The following SLC25A24 variants were observed in gnomAD, a reference collection of about 807,000 sequenced individuals.
SLC25A24 encodes the protein mitochondrial adenyl nucleotide antiporter SLC25A24.
A neutral mutation model predicts 60.7 loss-of-function variants in SLC25A24; 49 were observed. The observed-to-expected ratio is 0.81, with a 90% CI of 0.64 to 1.02. The LOEUF is 1.02. Among genes scored for constraint, SLC25A24 ranks in the 50% least tolerant of loss-of-function variants. The pLI is 0.00. For missense variants in SLC25A24, 564 were observed against 586.3 expected, an observed-to-expected ratio of 0.96 and a Z score of 0.39; for synonymous variants, 202 against 200.6, an observed-to-expected ratio of 1.01 and a Z score of -0.06.
intron 6 of SLC25A24, among the ~76,000 whole-genome samples, chr1:108,149,244 A>G (rs1267755397): frequency 1.3e-5 from 2 of 152,246 alleles, no homozygotes; most frequent in Non-Finnish European, 2.9e-5. Context: ...CTCCCTGGCT[A>G]TCAGTACTAA....
intron 3 of SLC25A24, among the ~76,000 whole-genome samples, chr1:108,167,636 C>T (rs531416058): frequency 0.017 from 2,598 of 152,358 alleles, 36 homozygotes; most frequent in Non-Finnish European, 0.026. Flanking sequence ...GGCAATGCCT[C>T]GCCCTGCTTC....
chr1:108,193,165 T>C (rs528240), intron 1 of SLC25A24, among the ~76,000 whole-genome samples: 40,455 of 138,714 alleles, frequency 0.29, 10,636 homozygotes, highest in Middle Eastern at 0.32. Flanking sequence ...TTAAAAATCC[T>C]TATAATGATT....
intron 4 of SLC25A24, among the ~76,000 whole-genome samples, chr1:108,159,466 T>TG (rs1047899039): frequency 3.3e-5 from 3 of 92,054 alleles, no homozygotes; most frequent in Admixed American, 1.1e-4. Flanking sequence ...CTTGGGTTGT[T>TG]TTTTTTTTTT....
chr1:108,147,927 T>C (rs1333791756), intron 7 of SLC25A24, among the ~76,000 whole-genome samples: 2 of 152,102 alleles, frequency 1.3e-5, no homozygotes, highest in Non-Finnish European at 2.9e-5. Context: ...GACCACTGAC[T>C]CTAGGGAAGC....
rs376319497 is a variant in SLC25A24, at chr1:108,161,371, T to C, written c.399-78A>G. 4.3e-4 allele frequency: 329 copies of C among 757,874 alleles called. 2 individuals carry two copies. Among genetic ancestry groups the C allele is most frequent in the South Asian group, 3.9e-3 (240 of 61,306 alleles). The allele number at this position is 757,874 out of a possible 1,614,324, so 46.9% of individuals were successfully genotyped here. On this transcript the variant is annotated intron_variant, in intron 3 of 9. Coordinates refer to ENST00000565488, the MANE Select transcript of SLC25A24 (RefSeq NM_013386.5). ...TAACATTATTGGCCACTTTACAGAA[T>C]GACAGTTTCTTTTCTAACATAATAT... is the stretch of plus-strand genomic sequence containing the variant.
chr1:108,172,307 C>T (rs1411808271), intron 3 of SLC25A24, among the ~76,000 whole-genome samples: 1 of 152,184 alleles, frequency 6.6e-6, no homozygotes, highest in Non-Finnish European at 1.5e-5. Flanking sequence ...TTTCAATCAA[C>T]ACTGTGTTAG....
At chr1:108,146,967 T>C (rs927243105) in intron 7 of SLC25A24, among the ~76,000 whole-genome samples, 1 of 152,246 alleles carries the variant, frequency 6.6e-6, no homozygotes, top group Admixed American at 6.5e-5. Flanking sequence ...TTTCTATTGT[T>C]TGAATAATTT....
chr1:108,192,883 G>A lies in SLC25A24; in HGVS notation c.184-6929C>T. On this transcript the variant is annotated intron_variant, in intron 1 of 9. Transcript: ENST00000565488. ...GGGACCGCACTCTGGGCTGCGCTGG[G>A]AGACCGCGGAGTTCCTGCCTCACTC... 2 of 712,028 alleles carry A rather than the reference G, an allele frequency of 2.8e-6. 1 individual carries two copies. The highest frequency in any genetic ancestry group is 9.9e-5 in the Admixed American group (2 of 20,182). The allele number at this position is 712,028 out of a possible 1,614,324, so 44.1% of individuals were successfully genotyped here.
At chr1:108,141,648 G>A (rs992897519) in intron 8 of SLC25A24, among the ~76,000 whole-genome samples, 7 of 151,984 alleles carry the variant, frequency 4.6e-5, no homozygotes, top group Admixed American at 1.3e-4. Context: ...AAGAAAATGT[G>A]ATATATATAC....
chr1:108,144,980 G>A (rs1297581189), intron 7 of SLC25A24, among the ~76,000 whole-genome samples: 1 of 152,068 alleles, frequency 6.6e-6, no homozygotes, highest in Non-Finnish European at 1.5e-5. Context: ...GGTATTTCTG[G>A]TTCTAGATCC....
intron 3 of SLC25A24, among the ~76,000 whole-genome samples, chr1:108,165,378 A>G (rs1392949591): frequency 6.6e-6 from 1 of 151,958 alleles, no homozygotes; most frequent in Non-Finnish European, 1.5e-5. Context: ...GGTCTGTCTA[A>G]TGTTGACAGT....
At chr1:108,167,613 A>G (rs954357483) in intron 3 of SLC25A24, among the ~76,000 whole-genome samples, 7 of 152,066 alleles carry the variant, frequency 4.6e-5, no homozygotes, top group Non-Finnish European at 5.9e-5. Context: ...GACCCCTTGC[A>G]CTTCCCGAGT....
chr1:108,139,988 C>T (rs974654152), intron 8 of SLC25A24, among the ~76,000 whole-genome samples: 3 of 151,964 alleles, frequency 2.0e-5, no homozygotes, highest in African/African-American at 7.3e-5. Flanking sequence ...ACTCTAGGTC[C>T]CTGTATTTCA....
intron 3 of SLC25A24, among the ~76,000 whole-genome samples, chr1:108,169,490 A>T (rs1216710244): frequency 6.6e-6 from 1 of 152,162 alleles, no homozygotes; most frequent in Non-Finnish European, 1.5e-5. Context: ...TATATTTTTT[A>T]AAATGGCTGA....
Position 108,161,179 on chromosome 1 carries a change from T to C in SLC25A24, c.510+3A>G, listed in dbSNP as rs748762890. 2 of 1,409,002 alleles carry C rather than the reference T, an allele frequency of 1.4e-6. No individual in the cohort carries two copies. Among genetic ancestry groups the C allele is most frequent in the South Asian group, 1.2e-5 (1 of 85,526 alleles). 87.3% of individuals were successfully genotyped at this position (1,409,002 alleles called of 1,614,324 possible). ...TAAGTATAAATACATAAAGTAGACT[T>C]ACTGTAGAATGTTTCCAGAAACGGA... On this transcript the variant is annotated splice_donor_region_variant and intron_variant, in intron 4 of 9. Coordinates refer to ENST00000565488, the MANE Select transcript of SLC25A24 (RefSeq NM_013386.5).
intron 1 of SLC25A24, among the ~76,000 whole-genome samples, chr1:108,191,689 T>G (rs1405584947): frequency 7.2e-6 from 1 of 139,632 alleles, no homozygotes; most frequent in African/African-American, 2.5e-5. Context: ...TTACTAAATT[T>G]CAACATGACA....
At chr1:108,187,927 G>T (rs705304) in intron 1 of SLC25A24, among the ~76,000 whole-genome samples, 22,680 of 94,562 alleles carry the variant, frequency 0.24, 3,241 homozygotes, top group Non-Finnish European at 0.25. Flanking sequence ...AGACATTATA[G>T]ATATATATAT....
intron 3 of SLC25A24, among the ~76,000 whole-genome samples, chr1:108,174,416 T>G (rs1429885466): frequency 6.6e-6 from 1 of 152,218 alleles, no homozygotes; most frequent in African/African-American, 2.4e-5. Flanking sequence ...TGAGATCCTC[T>G]GCCTAGATTT....
intron 2 of SLC25A24, among the ~76,000 whole-genome samples, chr1:108,183,008 G>C (rs988964702): frequency 1.3e-5 from 2 of 152,148 alleles, no homozygotes; most frequent in African/African-American, 4.8e-5. Flanking sequence ...AGCAATAAAT[G>C]TAAGCACTGC....
Sources: gnomAD v4.1 joint callset for allele counts (sites outside exome capture counted in the v4.1 genomes callset) on GRCh38, gnomAD v4.1.1 for gene constraint, MANE v1.5 for transcripts, NCBI Gene and HGNC (gene_info 2026-07-23, HGNC 2026-07-21) for gene names.